The following ZNF83 variants were observed in gnomAD, a reference collection of about 807,000 sequenced individuals.
ZNF83 encodes the protein zinc finger protein 83.
For synonymous variants in ZNF83, 209 were observed against 213.0 expected (o/e 0.98, Z 0.17); for missense variants, 552 against 629.9 (o/e 0.88, Z 1.32).
intron 3 of ZNF83, chr19:52,651,305 A>G (rs944878662): frequency 3.9e-5 from 6 of 152,252 alleles, no homozygotes; most frequent in Non-Finnish European, 5.9e-5. Flanking sequence ...GAATGGGAAG[A>G]TTCTCACTCT....
At chr19:52,656,398 G>A (rs945556940) in intron 2 of ZNF83, among the ~76,000 whole-genome samples, 24 of 152,032 alleles carry the variant, frequency 1.6e-4, no homozygotes, top group Non-Finnish European at 1.0e-4. Context: ...GGGGGAATGT[G>A]CCTGTAATCC....
exon 3 of ZNF83, chr19:52,614,102 C>G (rs2060217732): frequency 6.2e-7 from 1 of 1,613,640 alleles, no homozygotes; most frequent in African/African-American, 1.3e-5. Flanking sequence ...AAGACCTTGC[C>G]ACATTCATTA....
rs1212007812 is a variant in ZNF83 at position 52,686,659 on chromosome 19, T to C, written c.-283+3784A>G. 2.0e-5 allele frequency among the ~76,000 whole-genome samples: 3 copies of C among 152,212 alleles called. No individual in the cohort carries two copies. In the South Asian group the frequency reaches 6.2e-4, roughly 32 times the overall value. ...CATGATTTCAGCTCACTGCAACCTC[T>C]ACCTCCCAGGTTCAAGTGATTGTGT... is the stretch of plus-strand genomic sequence containing the variant. On this transcript the variant is annotated intron_variant, in intron 1 of 5. Coordinates refer to the ZNF83 transcript ENST00000594682.
chr19:52,689,400 C>A lies in ZNF83; in HGVS notation c.-283+1043G>T, dbSNP rs532040354. On this transcript the variant is annotated intron_variant, in intron 1 of 5. Coordinates refer to the ZNF83 transcript ENST00000594682. ...CTTCCCTGTTATACCCTCATCCCCA[C>A]TCTCTAGCACTCCAGATCCCCAGGT... Among the ~76,000 whole-genome samples the A allele has an allele frequency of 2.6e-5, 4 of 152,196 alleles. No homozygotes were observed. The East Asian group carries it at 7.7e-4, about 29-fold the overall frequency.
intron 3 of ZNF83, among the ~76,000 whole-genome samples, chr19:52,644,244 C>G (rs756486321): frequency 6.6e-6 from 1 of 151,690 alleles, no homozygotes; most frequent in Non-Finnish European, 1.5e-5. Flanking sequence ...ACTGGACAGT[C>G]CCCTCTCACA....
intron 2 of ZNF83, among the ~76,000 whole-genome samples, chr19:52,616,058 G>A (rs751995434): frequency 1.3e-5 from 2 of 152,152 alleles, no homozygotes; most frequent in Non-Finnish European, 2.9e-5. Context: ...GGCTGGTCTC[G>A]AACTCCTGAC....
At chr19:52,626,784 A>G (rs979368199) in intron 2 of ZNF83, among the ~76,000 whole-genome samples, 1 of 152,126 alleles carries the variant, frequency 6.6e-6, no homozygotes, top group Non-Finnish European at 1.5e-5. Context: ...ACTCGAAGCA[A>G]CCCTGAGAAA....
intron 2 of ZNF83, among the ~76,000 whole-genome samples, chr19:52,632,777 T>C (rs1325198020): frequency 6.6e-6 from 1 of 152,202 alleles, no homozygotes; most frequent in African/African-American, 2.4e-5. Flanking sequence ...AGTTTTTCTA[T>C]TCATACAAAA....
intron 3 of ZNF83, chr19:52,654,965 T>G (rs1202771538): frequency 6.6e-6 from 1 of 152,478 alleles, no homozygotes; most frequent in African/African-American, 2.4e-5. Context: ...GTGGGCAGAT[T>G]GCTTGAGACA....
chr19:52,687,274 G>A (rs1350101815), intron 1 of ZNF83, among the ~76,000 whole-genome samples: 1 of 145,022 alleles, frequency 6.9e-6, no homozygotes, highest in Non-Finnish European at 1.5e-5. Context: ...AGGATCCTTT[G>A]AGCCCAGGAT....
intron 1 of ZNF83, among the ~76,000 whole-genome samples, chr19:52,672,936 T>C (rs368432719): frequency 9.2e-5 from 14 of 151,980 alleles, no homozygotes; most frequent in East Asian, 7.7e-4. Context: ...GTACAAAAAA[T>C]AGAATAAGAC....
At chr19:52,637,296 A>G (rs1003594423) in intron 1 of ZNF83, among the ~76,000 whole-genome samples, 1 of 151,812 alleles carries the variant, frequency 6.6e-6, no homozygotes, top group African/African-American at 2.4e-5. Flanking sequence ...CCTGTCCCCA[A>G]TATGTGGAAC....
At chr19:52,688,950 G>GAAA (rs56247444) in intron 1 of ZNF83, among the ~76,000 whole-genome samples, 6 of 126,800 alleles carry the variant, frequency 4.7e-5, no homozygotes, top group South Asian at 5.2e-4. Context: ...AAGGTTGAAG[G>GAAA]AAAAAAAAAA....
chr19:52,665,040 A>T (rs543792123), intron 1 of ZNF83, among the ~76,000 whole-genome samples: 4 of 152,348 alleles, frequency 2.6e-5, no homozygotes, highest in Non-Finnish European at 5.9e-5. Flanking sequence ...AATGCAAACT[A>T]GAATGCGAAA....
intron 1 of ZNF83, among the ~76,000 whole-genome samples, chr19:52,681,144 G>T (rs1304158424): frequency 1.5e-4 from 23 of 151,582 alleles, no homozygotes; most frequent in Admixed American, 1.4e-3. Flanking sequence ...AAGTAGCCAG[G>T]CATGGTGGCA....
chr19:52,669,719 A>G (rs185824508), intron 1 of ZNF83, among the ~76,000 whole-genome samples: 1 of 152,198 alleles, frequency 6.6e-6, no homozygotes, highest in Non-Finnish European at 1.5e-5. Flanking sequence ...GGAAAAGAAT[A>G]GTAGCCTCAA....
At chr19:52,636,911 G>T in intron 1 of ZNF83, 1 of 151,526 alleles carries the variant, frequency 6.6e-6, no homozygotes. Context: ...TCTTGCCTCA[G>T]TCTCCTAAAG....
At chr19:52,621,519 A>G (rs890525013) in intron 2 of ZNF83, among the ~76,000 whole-genome samples, 19 of 152,106 alleles carry the variant, frequency 1.2e-4, no homozygotes, top group Non-Finnish European at 2.9e-5. Flanking sequence ...CAATCACCAC[A>G]GGGACACCTG....
intron 2 of ZNF83, among the ~76,000 whole-genome samples, chr19:52,628,151 C>A (rs1406640647): frequency 6.6e-6 from 1 of 152,148 alleles, no homozygotes; most frequent in Non-Finnish European, 1.5e-5. Flanking sequence ...TTATTGCTCA[C>A]ACAAAGCCTG....
Sources: allele counts gnomAD v4.1 joint callset (sites outside exome capture counted in the v4.1 genomes callset), GRCh38; gene constraint gnomAD v4.1.1; transcripts MANE v1.5; gene names NCBI Gene and HGNC (gene_info 2026-07-23, HGNC 2026-07-21).